The following CFAP299 variants were observed in gnomAD, a reference collection of about 807,000 sequenced individuals.
CFAP299 encodes cilia and flagella associated protein 299.
CFAP299 carries 21 observed loss-of-function variants against 27.0 expected under a neutral mutation model. That is an observed-to-expected ratio of 0.78 (90% CI 0.55 to 1.12). The LOEUF is 1.12. CFAP299 is among the 50% of genes most tolerant of loss of function. The probability of loss-of-function intolerance (pLI) is 0.00; values close to 1 mark genes in which losing one functional copy is unlikely to be tolerated. For synonymous variants in CFAP299, 104 were observed against 98.1 expected (o/e 1.06, Z -0.36); for missense variants, 310 against 276.6 (o/e 1.12, Z -0.86).
chr4:80,383,710 A>G (rs1194589198), intron 2 of CFAP299, among the ~76,000 whole-genome samples: 7 of 152,144 alleles, frequency 4.6e-5, no homozygotes, highest in African/African-American at 1.7e-4. Flanking sequence ...GACCCTATCA[A>G]ATTTTCTAAT....
At chr4:80,780,331 G>A (rs1316093337) in intron 3 of CFAP299, among the ~76,000 whole-genome samples, 2 of 151,928 alleles carry the variant, frequency 1.3e-5, no homozygotes, top group Non-Finnish European at 2.9e-5. Context: ...ATCTCTCTAT[G>A]CCATTGTAAG....
intron 3 of CFAP299, among the ~76,000 whole-genome samples, chr4:80,824,496 C>T (rs750596644): frequency 6.6e-6 from 1 of 152,110 alleles, no homozygotes; most frequent in Non-Finnish European, 1.5e-5. Flanking sequence ...AGCTCCTCCC[C>T]CTCTGACTAA....
intron 2 of CFAP299, among the ~76,000 whole-genome samples, chr4:80,531,836 C>G (rs1733486286): frequency 6.6e-6 from 1 of 150,988 alleles, no homozygotes; most frequent in Non-Finnish European, 1.5e-5. Context: ...TCACTGCAAC[C>G]TCTGTCCCCT....
At chr4:80,441,836 G>A (rs1728374701) in intron 2 of CFAP299, among the ~76,000 whole-genome samples, 1 of 152,138 alleles carries the variant, frequency 6.6e-6, no homozygotes, top group Admixed American at 6.5e-5. Flanking sequence ...AACACACATA[G>A]GCTTAAAATA....
At chr4:80,437,688 A>G (rs1421829768) in intron 2 of CFAP299, among the ~76,000 whole-genome samples, 1 of 152,222 alleles carries the variant, frequency 6.6e-6, no homozygotes, top group Non-Finnish European at 1.5e-5. Context: ...GACATCCTTG[A>G]AAAGATAGTC....
chr4:80,399,720 T>A (rs1292125296), intron 2 of CFAP299, among the ~76,000 whole-genome samples: 1 of 147,206 alleles, frequency 6.8e-6, no homozygotes, highest in African/African-American at 2.5e-5. Flanking sequence ...GGGATAGCAT[T>A]AGGAGATATA....
chr4:80,478,141 C>G (rs1427031060), intron 2 of CFAP299, among the ~76,000 whole-genome samples: 2 of 152,130 alleles, frequency 1.3e-5, no homozygotes, highest in Non-Finnish European at 2.9e-5. Flanking sequence ...TTTGCCATAA[C>G]TTAAATTGTG....
chr4:80,469,038 G>T (rs578207636), intron 2 of CFAP299, among the ~76,000 whole-genome samples: 5 of 152,112 alleles, frequency 3.3e-5, no homozygotes, highest in African/African-American at 1.2e-4. Context: ...AAAGCAATCG[G>T]CAAAAATACT....
chr4:80,567,731 T>TTTTATATATA (rs1190269196), intron 2 of CFAP299, among the ~76,000 whole-genome samples: 3 of 148,784 alleles, frequency 2.0e-5, no homozygotes, highest in East Asian at 2.0e-4. Context: ...TCTAATGTAT[T>TTTTATATATA]TATATATATA....
chr4:80,355,379 A>G (rs1470302223), intron 1 of CFAP299, among the ~76,000 whole-genome samples: 1 of 101,114 alleles, frequency 9.9e-6, no homozygotes, highest in Non-Finnish European at 1.9e-5. Flanking sequence ...TTTTTTTGAG[A>G]CAGAGTCTCG....
At chr4:80,945,980 C>T (rs367618911) in intron 5 of CFAP299, among the ~76,000 whole-genome samples, 11 of 151,816 alleles carry the variant, frequency 7.2e-5, no homozygotes, top group African/African-American at 1.9e-4. Context: ...ATGGAGAAAC[C>T]CCATCTGTAC....
intron 3 of CFAP299, among the ~76,000 whole-genome samples, chr4:80,627,226 A>G (rs1430796723): frequency 6.6e-6 from 1 of 152,002 alleles, no homozygotes; most frequent in Non-Finnish European, 1.5e-5. Context: ...CATTACATGA[A>G]CAGAATGAAG....
intron 4 of CFAP299, 70 bp downstream of exon 4, chr4:80,870,205 T>C: frequency 6.7e-7 from 1 of 1,483,776 alleles, no homozygotes; most frequent in Admixed American, 2.2e-5. Context: ...GTCTACATTG[T>C]GCCTAAAATG....
chr4:80,587,057 G>A (rs1241530537), intron 3 of CFAP299, among the ~76,000 whole-genome samples: 3 of 152,120 alleles, frequency 2.0e-5, no homozygotes, highest in African/African-American at 7.2e-5. Flanking sequence ...AGATTGCGTT[G>A]TATATGACCA....
intron 2 of CFAP299, among the ~76,000 whole-genome samples, chr4:80,481,012 A>G (rs1030524490): frequency 6.6e-6 from 1 of 152,048 alleles, no homozygotes. Flanking sequence ...ATAATGTTTT[A>G]TACCATTTAT....
chr4:80,768,694 A>G (rs1726038160), intron 3 of CFAP299, among the ~76,000 whole-genome samples: 1 of 152,190 alleles, frequency 6.6e-6, no homozygotes, highest in Admixed American at 6.5e-5. Context: ...AATACATTAT[A>G]TAGAATTCCC....
At chr4:80,449,648 T>C (rs1728804145) in intron 2 of CFAP299, among the ~76,000 whole-genome samples, 1 of 151,758 alleles carries the variant, frequency 6.6e-6, no homozygotes, top group African/African-American at 2.4e-5. Context: ...CTCAGTTTTC[T>C]AGAATTATAA....
chr4:80,753,851 T>C (rs1237504915), intron 3 of CFAP299, among the ~76,000 whole-genome samples: 2 of 152,150 alleles, frequency 1.3e-5, no homozygotes, highest in Non-Finnish European at 2.9e-5. Context: ...CATTTGAATA[T>C]TTCTTATGGT....
At chr4:80,323,713 A>G in the CFAP299 span, among the ~76,000 whole-genome samples, 1 of 152,212 alleles carries the variant, frequency 6.6e-6, no homozygotes, top group African/African-American at 2.4e-5. Flanking sequence ...TAAACATAAA[A>G]TTATTCTTCA....
Sources: allele counts gnomAD v4.1 joint callset (sites outside exome capture counted in the v4.1 genomes callset), GRCh38; gene constraint gnomAD v4.1.1; transcripts MANE v1.5; gene names NCBI Gene and HGNC (gene_info 2026-07-23, HGNC 2026-07-21).